LRP1B: variants seen among roughly 807,000 people sequenced by gnomAD.
LRP1B encodes the protein LDL receptor related protein 1B.
A neutral mutation model predicts 556.6 loss-of-function variants in LRP1B; 217 were observed. The observed-to-expected ratio is 0.39, with a 90% CI of 0.35 to 0.44. LRP1B has a LOEUF of 0.44. Among genes scored for constraint, LRP1B ranks in the 20% least tolerant of loss-of-function variants. The pLI is 1.00. For missense variants in LRP1B, 5,053 were observed against 5,620.8 expected (o/e 0.90, Z 3.23); for synonymous variants, 2,047 against 1,865.8 (o/e 1.10, Z -2.50).
At chr2:141,194,404 T>C (rs1681658792) in intron 6 of LRP1B, among the ~76,000 whole-genome samples, 1 of 152,168 alleles carries the variant, frequency 6.6e-6, no homozygotes, top group South Asian at 2.1e-4. Flanking sequence ...ATCAGGACTG[T>C]GGCAAATCTA....
intron 3 of LRP1B, among the ~76,000 whole-genome samples, chr2:141,301,035 G>A (rs927091247): frequency 6.6e-6 from 1 of 152,068 alleles, no homozygotes; most frequent in Non-Finnish European, 1.5e-5. Flanking sequence ...ATTTATTATT[G>A]TCCAAATGAA....
chr2:140,786,388 G>C (rs1489757389), intron 32 of LRP1B, among the ~76,000 whole-genome samples: 1 of 152,134 alleles, frequency 6.6e-6, no homozygotes. Flanking sequence ...AATTATGTTG[G>C]AGCCATTACA....
intron 32 of LRP1B, among the ~76,000 whole-genome samples, chr2:140,782,424 G>A (rs546613730): frequency 1.3e-3 from 196 of 152,198 alleles, no homozygotes; most frequent in Middle Eastern, 6.8e-3. Context: ...GATATGCACT[G>A]AGGAAAGGCC....
intron 35 of LRP1B, among the ~76,000 whole-genome samples, chr2:140,736,173 T>C (rs1284226381): frequency 6.6e-6 from 1 of 152,036 alleles, no homozygotes; most frequent in African/African-American, 2.4e-5. Flanking sequence ...CAGAAATAGA[T>C]ATATTATGTG....
In LRP1B at chr2:140,627,852, A is replaced by T. The variant is rs185947103; in HGVS notation, c.6800-26213T>A. On this transcript the variant is annotated intron_variant, in intron 41 of 90. Transcript: ENST00000389484. Reference sequence around the variant, plus strand: ...TTCAACAACGTTTTATAAGATAGACATGAAAGCAGACTGGAGTTAAATGGC... The same window carrying T: ...TTCAACAACGTTTTATAAGATAGACTTGAAAGCAGACTGGAGTTAAATGGC... Among the ~76,000 whole-genome samples, 7 of 152,330 alleles carry T rather than the reference A, an allele frequency of 4.6e-5. 1 individual carries two copies. Among genetic ancestry groups the T allele is most frequent in the African/African-American group, 1.7e-4 (7 of 41,554 alleles).
At chr2:141,599,060 C>CCCCCCCCCCCCCCCCCT (rs1687635941) in intron 2 of LRP1B, among the ~76,000 whole-genome samples, 1 of 77,506 alleles carries the variant, frequency 1.3e-5, no homozygotes, top group Non-Finnish European at 2.7e-5. Context: ...CCCGCCCCCC[C>CCCCCCCCCCCCCCCCCT]CCCCCCCCCC....
chr2:140,994,273 C>T, intron 15 of LRP1B, 138 bp from the exon 16 acceptor site: 1 of 695,618 alleles, frequency 1.4e-6, no homozygotes, highest in Admixed American at 2.8e-5. Flanking sequence ...CTCTGTCTAC[C>T]TTATTTTACT....
chr2:141,060,772 A>G lies in LRP1B; in HGVS notation c.1236+1279T>C, dbSNP rs1413446349. Among the ~76,000 whole-genome samples the G allele has an allele frequency of 2.0e-5, 3 of 151,678 alleles. No homozygotes were observed. The East Asian group carries it at 5.9e-4, about 30-fold the overall frequency. ...CCTAAAACAGGCACCTCTGCTAATT[A>G]CACCCTAGGCAGAGGTAGGAGAAGC... On this transcript the variant is annotated intron_variant, in intron 8 of 90. Transcript: ENST00000389484.
intron 11 of LRP1B, among the ~76,000 whole-genome samples, chr2:141,020,719 A>C (rs1698040856): frequency 6.6e-6 from 1 of 152,034 alleles, no homozygotes; most frequent in South Asian, 2.1e-4. Context: ...CTATTACAGG[A>C]TTATATGAGA....
intron 41 of LRP1B, among the ~76,000 whole-genome samples, chr2:140,636,540 G>T (rs1335549887): frequency 2.0e-5 from 3 of 152,084 alleles, no homozygotes; most frequent in East Asian, 1.9e-4. Context: ...AGGTAGTAAA[G>T]TTACAACTTA....
At chr2:141,069,940 C>G (rs1699589167) in intron 7 of LRP1B, among the ~76,000 whole-genome samples, 1 of 150,026 alleles carries the variant, frequency 6.7e-6, no homozygotes, top group African/African-American at 2.5e-5. Flanking sequence ...TCTCCTAAAG[C>G]TATACCTCCC....
chr2:141,453,926 GAA>G (rs66823116), intron 3 of LRP1B, among the ~76,000 whole-genome samples: 2 of 145,674 alleles, frequency 1.4e-5, no homozygotes, highest in East Asian at 2.0e-4. Flanking sequence ...AAAAAAAAAA[GAA>G]AAAAAAAAGT....
intron 23 of LRP1B, among the ~76,000 whole-genome samples, chr2:140,890,221 G>A (rs1693759827): frequency 6.6e-6 from 1 of 152,002 alleles, no homozygotes; most frequent in African/African-American, 2.4e-5. Flanking sequence ...AGATACACCA[G>A]GCTCTCAAAA....
In LRP1B at chr2:140,999,379, G is replaced by T. The variant is rs761967388; in HGVS notation, c.2504-5244C>A. ...TTCTTTTCCCTTTTATTGCATTGGG[G>T]TTACCTCATGCATGAATTATAGATA... On this transcript the variant is annotated intron_variant, in intron 15 of 90. Coordinates refer to ENST00000389484, the MANE Select transcript of LRP1B (RefSeq NM_018557.3). Among the ~76,000 whole-genome samples, 8 of 151,998 alleles carry T rather than the reference G, an allele frequency of 5.3e-5. 1 individual carries two copies. Among genetic ancestry groups the T allele is most frequent in the East Asian group, 1.9e-4 (1 of 5,134 alleles).
chr2:142,072,791 G>A (rs1705369907), intron 1 of LRP1B, among the ~76,000 whole-genome samples: 1 of 151,910 alleles, frequency 6.6e-6, no homozygotes, highest in Admixed American at 6.6e-5. Flanking sequence ...TATGAGGTCT[G>A]GCATAGTGGG....
intron 3 of LRP1B, among the ~76,000 whole-genome samples, chr2:141,290,809 A>G (rs771807273): frequency 6.6e-6 from 1 of 152,224 alleles, no homozygotes; most frequent in South Asian, 2.1e-4. Context: ...ATTTTTTACT[A>G]TGTAGCTGGT....
intron 3 of LRP1B, among the ~76,000 whole-genome samples, chr2:141,298,384 T>A (rs1036509613): frequency 2.6e-5 from 4 of 152,148 alleles, no homozygotes; most frequent in African/African-American, 4.8e-5. Flanking sequence ...ACTTTGGATC[T>A]TGTGGTATCA....
At chr2:142,066,421 CTG>C (rs1705110916) in intron 1 of LRP1B, among the ~76,000 whole-genome samples, 1 of 151,510 alleles carries the variant, frequency 6.6e-6, no homozygotes, top group African/African-American at 2.4e-5. Context: ...CTTATAAGTT[CTG>C]CTCTCCTCAT....
chr2:140,323,190 A>AATT (rs964216372), intron 81 of LRP1B, among the ~76,000 whole-genome samples: 1 of 152,006 alleles, frequency 6.6e-6, no homozygotes, highest in African/African-American at 2.4e-5. Context: ...TGATCATTAG[A>AATT]ATTTCAGCCA....
Sources: allele counts gnomAD v4.1 joint callset (sites outside exome capture counted in the v4.1 genomes callset), GRCh38; gene constraint gnomAD v4.1.1; transcripts MANE v1.5; gene names NCBI Gene and HGNC (gene_info 2026-07-23, HGNC 2026-07-21).